Variants in ATXN7L1 observed in about 807,000 individuals in gnomAD.
ATXN7L1 encodes ataxin-7-like protein 1.
In ATXN7L1, 15 loss-of-function variants were observed where a neutral mutation model predicts 70.8. That is an observed-to-expected ratio of 0.21 (90% CI 0.14 to 0.33). The LOEUF (loss-of-function observed/expected upper bound fraction) is 0.33, where lower values mean the gene tolerates loss of function less well. Among genes scored for constraint, ATXN7L1 ranks in the 10% least tolerant of loss-of-function variants. The pLI is 1.00. For missense variants in ATXN7L1, 975 were observed against 1,097.1 expected (o/e 0.89, Z 1.57); for synonymous variants, 440 against 445.1 (o/e 0.99, Z 0.14).
At chr7:105,748,563 G>A (rs1798842025) in intron 3 of ATXN7L1, among the ~76,000 whole-genome samples, 1 of 152,200 alleles carries the variant, frequency 6.6e-6, no homozygotes, top group South Asian at 2.1e-4. Flanking sequence ...CAGCACCAAT[G>A]TTGCAGGAAT....
chr7:105,747,755 T>A (rs111349021), intron 3 of ATXN7L1, among the ~76,000 whole-genome samples: 262 of 152,268 alleles, frequency 1.7e-3, no homozygotes, highest in African/African-American at 6.1e-3. Flanking sequence ...TTAGAGGACA[T>A]CCAGCTGGTG....
At chr7:105,778,072 G>A (rs988152888) in intron 3 of ATXN7L1, among the ~76,000 whole-genome samples, 1 of 152,154 alleles carries the variant, frequency 6.6e-6, no homozygotes, top group Admixed American at 6.5e-5. Flanking sequence ...ACAGTGCCTG[G>A]CATATAGCAG....
chr7:105,724,355 C>G (rs547841603), intron 3 of ATXN7L1, among the ~76,000 whole-genome samples: 2 of 152,192 alleles, frequency 1.3e-5, no homozygotes, highest in Non-Finnish European at 1.5e-5. Context: ...AGGCGGATCA[C>G]TTGAGGTCAG....
At chr7:105,699,332 G>A (rs578893) in intron 3 of ATXN7L1, among the ~76,000 whole-genome samples, 44,859 of 151,834 alleles carry the variant, frequency 0.3, 6,659 homozygotes, top group East Asian at 0.39. Context: ...GGATTTTGCC[G>A]TGTTGGCCAG....
rs111338126 is a variant in ATXN7L1 at position 105,822,858 on chromosome 7, T to G, written c.251-34150A>C. On this transcript the variant is annotated intron_variant, in intron 2 of 11. Transcript: ENST00000419735. ...GGATGGGGAAACATATTAAAACTTC[T>G]AATTCTAGTTATTTTTAGCTTGCCC... Among the ~76,000 whole-genome samples, 1,109 of 152,328 alleles carry G rather than the reference T, an allele frequency of 7.3e-3. 12 individuals are homozygous for G. Among genetic ancestry groups the G allele is most frequent in the African/African-American group, 0.025 (1,042 of 41,562 alleles).
At chr7:105,637,540 T>G (rs1028843778) in intron 7 of ATXN7L1, among the ~76,000 whole-genome samples, 1 of 152,210 alleles carries the variant, frequency 6.6e-6, no homozygotes, top group Non-Finnish European at 1.5e-5. Flanking sequence ...TCTGTACCCC[T>G]GCCTGAGAGT....
chr7:105,827,634 A>T (rs1055389962), intron 2 of ATXN7L1, among the ~76,000 whole-genome samples: 1 of 152,198 alleles, frequency 6.6e-6, no homozygotes, highest in Non-Finnish European at 1.5e-5. Context: ...GAGGGATGTG[A>T]GTAAGCATGG....
chr7:105,756,890 A>G (rs1024557094), intron 3 of ATXN7L1, among the ~76,000 whole-genome samples: 2 of 152,258 alleles, frequency 1.3e-5, no homozygotes, highest in African/African-American at 4.8e-5. Context: ...GACAAAATAA[A>G]TGAATAGTGT....
At chr7:105,719,893 T>C (rs1182301127) in intron 3 of ATXN7L1, among the ~76,000 whole-genome samples, 3 of 152,206 alleles carry the variant, frequency 2.0e-5, no homozygotes, top group Admixed American at 6.5e-5. Flanking sequence ...CAGCGAATCA[T>C]GCATTTAAAA....
Position 105,607,886 on chromosome 7 carries a change from G to C in ATXN7L1, c.2552C>G (p.Thr851Arg). The change falls in exon 12 of 12, where the codon ACA (threonine) becomes AGA (arginine). Residue 851 changes from threonine (T) to arginine (R), a missense_variant. Thr to Arg is a moderately conservative substitution (Grantham distance 71). Coordinates refer to ENST00000419735, the MANE Select transcript of ATXN7L1 (RefSeq NM_020725.2). The stretch of plus-strand genomic sequence containing the variant: ...AGTCCTTATCCTGCCCGTTCTGTTT[G>C]TGTTCTTCTAGGAAAGAAAAGAAAA... The part of the protein sequence containing the change: ...ISSPGHSRQN[T>R]NRTGRIRTLP 1 of 1,551,964 alleles carries C rather than the reference G, an allele frequency of 6.4e-7. No homozygotes were observed. Among genetic ancestry groups the C allele is most frequent in the East Asian group, 2.4e-5 (1 of 40,914 alleles).
chr7:105,632,654 G>A lies in ATXN7L1; in HGVS notation c.1202+5699C>T, dbSNP rs569277671. 1.2e-4 allele frequency among the ~76,000 whole-genome samples: 18 copies of A among 152,160 alleles called. 1 individual carries two copies. The South Asian group carries it at 3.7e-3, about 32-fold the overall frequency. ...TCAAGAGTGATCAGCTGAGTGCAGT[G>A]GTTCACATCTGTAATCCCAGCACTT... On this transcript the variant is annotated intron_variant, in intron 7 of 11. Coordinates refer to ENST00000419735, the MANE Select transcript of ATXN7L1 (RefSeq NM_020725.2).
chr7:105,765,505 G>A (rs998679717), intron 3 of ATXN7L1, among the ~76,000 whole-genome samples: 3 of 152,098 alleles, frequency 2.0e-5, no homozygotes, highest in Non-Finnish European at 4.4e-5. Context: ...GGCAGAAACA[G>A]GAACCCAGAC....
intron 3 of ATXN7L1, among the ~76,000 whole-genome samples, chr7:105,704,584 C>CTTTT (rs11329205): frequency 3.4e-5 from 3 of 89,490 alleles, no homozygotes; most frequent in South Asian, 4.1e-4. Flanking sequence ...GGTTTTATCT[C>CTTTT]TTTTTTTTTT....
intron 3 of ATXN7L1, among the ~76,000 whole-genome samples, chr7:105,728,668 G>A (rs1040043996): frequency 6.6e-6 from 1 of 152,252 alleles, no homozygotes; most frequent in South Asian, 2.1e-4. Flanking sequence ...TTGGTTTCTA[G>A]TATCATTCTC....
At chr7:105,760,325 T>C (rs758207334) in intron 3 of ATXN7L1, 547 of 919,022 alleles carry the variant, frequency 6.0e-4, no homozygotes, top group Non-Finnish European at 6.7e-4. Flanking sequence ...TACAACCATA[T>C]GAGGGGGCTG....
At chr7:105,821,931 A>G (rs904004940) in intron 2 of ATXN7L1, among the ~76,000 whole-genome samples, 1 of 152,246 alleles carries the variant, frequency 6.6e-6, no homozygotes, top group Non-Finnish European at 1.5e-5. Context: ...CAGTTTTGCT[A>G]TACGGTGACA....
chr7:105,814,002 T>C (rs374105797), intron 2 of ATXN7L1, among the ~76,000 whole-genome samples: 1 of 152,150 alleles, frequency 6.6e-6, no homozygotes, highest in South Asian at 2.1e-4. Context: ...AATCCTTTCT[T>C]CCTCTCTTCC....
chr7:105,656,917 A>G (rs769674464), intron 4 of ATXN7L1, among the ~76,000 whole-genome samples: 8 of 152,218 alleles, frequency 5.3e-5, no homozygotes, highest in African/African-American at 7.2e-5. Flanking sequence ...AGTCACATAA[A>G]GGAGAAAATA....
At chr7:105,694,289 A>G (rs1791427756) in intron 3 of ATXN7L1, among the ~76,000 whole-genome samples, 1 of 151,820 alleles carries the variant, frequency 6.6e-6, no homozygotes, top group Non-Finnish European at 1.5e-5. Context: ...CAGGCAATCC[A>G]CCTGCCTTGG....
Sources: allele counts gnomAD v4.1 joint callset (sites outside exome capture counted in the v4.1 genomes callset), GRCh38; gene constraint gnomAD v4.1.1; transcripts MANE v1.5; gene names NCBI Gene and HGNC (gene_info 2026-07-23, HGNC 2026-07-21).